Variants in TMEM164 observed in about 807,000 individuals in gnomAD.
TMEM164 encodes the protein RP13-360B22.2.
Under a neutral mutation model 18.8 loss-of-function variants are expected in TMEM164, and 4 were observed. That is an observed-to-expected ratio of 0.21 (90% CI 0.10 to 0.49). The LOEUF is 0.49. TMEM164 is among the 20% of genes least tolerant of loss of function. The pLI, the probability that TMEM164 is intolerant of heterozygous loss-of-function variation, is 0.98. For missense variants in TMEM164, 108 were observed against 239.9 expected (o/e 0.45, Z 3.63); for synonymous variants, 86 against 101.7 (o/e 0.85, Z 0.93).
chrX:110,119,106 C>A (rs2066413454), intron 4 of TMEM164, among the ~76,000 whole-genome samples: 1 of 110,139 alleles, frequency 9.1e-6, no homozygotes, highest in African/African-American at 3.3e-5. Context: ...ATGCCATTTT[C>A]TTGATTACAA....
At chrX:110,017,335 G>A (rs1270185941) in intron 2 of TMEM164, among the ~76,000 whole-genome samples, 1 of 112,379 alleles carries the variant, frequency 8.9e-6, no homozygotes, top group Non-Finnish European at 1.9e-5. Flanking sequence ...TGGAAATCTT[G>A]TGCTTTTTGA....
chrX:110,089,050 C>T (rs983872748), intron 3 of TMEM164, among the ~76,000 whole-genome samples: 12 of 111,381 alleles, frequency 1.1e-4, no homozygotes, highest in Non-Finnish European at 1.7e-4. Flanking sequence ...GAAAGCAGTA[C>T]GGCATAATAA....
chrX:110,055,327 C>T (rs1602540584), intron 2 of TMEM164: 1 of 381,779 alleles, frequency 2.6e-6, no homozygotes, highest in Non-Finnish European at 5.2e-6. Context: ...AGCAGGGCCG[C>T]CACGAATGGC....
intron 6 of TMEM164, among the ~76,000 whole-genome samples, chrX:110,172,711 A>G (rs185204825): frequency 1.8e-5 from 2 of 111,590 alleles, no homozygotes; most frequent in East Asian, 5.7e-4. Flanking sequence ...ACCCCCATCC[A>G]TCTTTCATGA....
At chrX:110,079,197 T>C (rs2065716562) in intron 3 of TMEM164, among the ~76,000 whole-genome samples, 1 of 111,898 alleles carries the variant, frequency 8.9e-6, no homozygotes. Flanking sequence ...TTGCCCTTGT[T>C]TGATGAGAGG....
intron 2 of TMEM164, among the ~76,000 whole-genome samples, chrX:110,009,430 T>C (rs758566254): frequency 5.7e-4 from 64 of 112,237 alleles, no homozygotes; most frequent in Admixed American, 2.7e-3. Flanking sequence ...TAATCTGGTG[T>C]TTGGCCAGAT....
intron 3 of TMEM164, among the ~76,000 whole-genome samples, chrX:110,071,649 G>A (rs373701234): frequency 1.8e-4 from 17 of 95,860 alleles, no homozygotes; most frequent in Admixed American, 1.5e-3. Context: ...GGAGGCTGAG[G>A]TAGAAGGATT....
At chrX:110,168,647 T>C (rs1200584810) in intron 5 of TMEM164, among the ~76,000 whole-genome samples, 1 of 112,746 alleles carries the variant, frequency 8.9e-6, no homozygotes, top group Non-Finnish European at 1.9e-5. Flanking sequence ...CTGAGCTTCT[T>C]CCACAGAAGA....
chrX:110,132,720 C>A (rs956008397), intron 4 of TMEM164, among the ~76,000 whole-genome samples: 2 of 111,717 alleles, frequency 1.8e-5, no homozygotes, highest in African/African-American at 6.5e-5. Context: ...TGTTAATATA[C>A]CACAATGTAT....
intron 3 of TMEM164, among the ~76,000 whole-genome samples, chrX:110,085,930 G>C (rs748149663): frequency 1.2e-4 from 13 of 112,058 alleles, no homozygotes; most frequent in African/African-American, 3.9e-4. Context: ...TAGTAACCAC[G>C]TAGTCCAAAT....
chrX:110,052,757 T>G (rs993158594), intron 2 of TMEM164, among the ~76,000 whole-genome samples: 5 of 98,376 alleles, frequency 5.1e-5, no homozygotes, highest in African/African-American at 1.9e-4. Context: ...TTTTTTTTTT[T>G]TTTTTTTTTT....
chrX:110,004,528 C>T (rs1932557525), intron 2 of TMEM164, among the ~76,000 whole-genome samples: 1 of 111,807 alleles, frequency 8.9e-6, no homozygotes, highest in African/African-American at 3.3e-5. Flanking sequence ...CATGACCCAG[C>T]TCCCTTGCCT....
At chrX:110,004,925 C>T (rs981654397) in intron 2 of TMEM164, among the ~76,000 whole-genome samples, 10 of 112,172 alleles carry the variant, frequency 8.9e-5, no homozygotes, top group African/African-American at 1.9e-4. Flanking sequence ...CACCCATTAG[C>T]GGTGCTAAGG....
intron 2 of TMEM164, among the ~76,000 whole-genome samples, chrX:110,021,373 A>G (rs1353744376): frequency 7.2e-5 from 8 of 110,476 alleles, no homozygotes; most frequent in African/African-American, 2.3e-4. Context: ...GGGCATGGAG[A>G]GATTATGGCT....
chrX:110,030,576 T>G (rs2147752136), intron 2 of TMEM164, among the ~76,000 whole-genome samples: 1 of 108,474 alleles, frequency 9.2e-6, no homozygotes, highest in Admixed American at 1.0e-4. Context: ...CCCAGCACTT[T>G]TGGAGGCCGA....
chrX:110,157,670 T>G (rs2067035811), intron 5 of TMEM164, among the ~76,000 whole-genome samples: 1 of 111,098 alleles, frequency 9.0e-6, no homozygotes, highest in Non-Finnish European at 1.9e-5. Context: ...CTGTGGGAAA[T>G]GGAAGAAGGA....
Position 110,139,062 on chromosome X carries a change from G to A in TMEM164, c.508-5736G>A, listed in dbSNP as rs552615792. On this transcript the variant is annotated intron_variant, in intron 4 of 6. Coordinates refer to ENST00000372068, the MANE Select transcript of TMEM164 (RefSeq NM_032227.4). ...GTTTTGCTGTAAAGTATAAAGGAAA[G>A]CAGAGAAATAGAGGTGGAAGCTCCA... Among the ~76,000 whole-genome samples, 4 of 112,730 alleles carry A rather than the reference G, an allele frequency of 3.5e-5. No individual in the cohort carries two copies. In the South Asian group the frequency reaches 1.4e-3, roughly 41 times the overall value.
intron 4 of TMEM164, among the ~76,000 whole-genome samples, chrX:110,110,617 A>G (rs943406336): frequency 8.9e-6 from 1 of 112,264 alleles, no homozygotes; most frequent in African/African-American, 3.2e-5. Context: ...CGTAATGTTC[A>G]TAGCAATCAA....
rs1458461815 is a variant in TMEM164 at position 110,174,955 on chromosome X, C to T, written c.*1504C>T. 1 of 112,156 alleles carries T rather than the reference C, an allele frequency of 8.9e-6. No individual in the cohort carries two copies. Among genetic ancestry groups the T allele is most frequent in the East Asian group, 2.8e-4 (1 of 3,563 alleles). 9.2% of individuals were successfully genotyped at this position (112,156 alleles called of 1,213,427 possible). ...TTTGACCTACACTGAGCTTCGGTGC[C>T]TCAGTGGTCATAATTTTAGCAAGTG... On this transcript the variant is annotated 3_prime_UTR_variant, in exon 7 of 7. Coordinates refer to ENST00000372068, the MANE Select transcript of TMEM164 (RefSeq NM_032227.4).
Sources: allele counts gnomAD v4.1 joint callset (sites outside exome capture counted in the v4.1 genomes callset), GRCh38; gene constraint gnomAD v4.1.1; transcripts MANE v1.5; gene names NCBI Gene and HGNC (gene_info 2026-07-23, HGNC 2026-07-21).